ARID2: variants seen among roughly 807,000 people sequenced by gnomAD.
ARID2 encodes AT-rich interaction domain 2, also known as AT-rich interactive domain-containing protein 2.
Under a neutral mutation model 184.6 loss-of-function variants are expected in ARID2, and 32 were observed. That is an observed-to-expected ratio of 0.17 (90% CI 0.13 to 0.23). ARID2 has a LOEUF of 0.23. ARID2 is among the 10% of genes least tolerant of loss of function. ARID2 has a pLI of 1.00. For missense variants in ARID2, 1,696 were observed against 2,197.6 expected, an observed-to-expected ratio of 0.77 and a Z score of 4.56; for synonymous variants, 836 against 772.6, an observed-to-expected ratio of 1.08 and a Z score of -1.36.
intron 6 of ARID2, among the ~76,000 whole-genome samples, chr12:45,828,609 C>T (rs1363436934): frequency 1.3e-5 from 2 of 151,956 alleles, no homozygotes; most frequent in Non-Finnish European, 2.9e-5. Flanking sequence ...TCCAGTTCCT[C>T]GTTGTTGACA....
chr12:45,776,084 GT>G (rs1263265385), intron 3 of ARID2: 1 of 168,780 alleles, frequency 5.9e-6, no homozygotes, highest in Non-Finnish European at 1.5e-5. Context: ...ATTTCAGGCA[GT>G]ATACTTCATG....
chr12:45,810,091 A>G (rs1385209561), intron 3 of ARID2, among the ~76,000 whole-genome samples: 2 of 152,206 alleles, frequency 1.3e-5, no homozygotes, highest in Non-Finnish European at 2.9e-5. Context: ...GATCTGTAAA[A>G]TAATCACATG....
intron 3 of ARID2, among the ~76,000 whole-genome samples, chr12:45,747,386 C>T (rs926353456): frequency 2.6e-5 from 4 of 151,982 alleles, no homozygotes; most frequent in Non-Finnish European, 5.9e-5. Flanking sequence ...CTGTAAGTAC[C>T]ATTGCTAGTG....
At chr12:45,885,841 C>T (rs1024452058) in intron 16 of ARID2, among the ~76,000 whole-genome samples, 42 of 152,128 alleles carry the variant, frequency 2.8e-4, no homozygotes, top group Non-Finnish European at 4.3e-4. Context: ...ATAGGGGTAA[C>T]CCCATGATTC....
intron 3 of ARID2, among the ~76,000 whole-genome samples, chr12:45,780,834 G>C (rs1246823275): frequency 6.6e-6 from 1 of 152,020 alleles, no homozygotes; most frequent in East Asian, 1.9e-4. Context: ...TGGCCAGGCT[G>C]TTCTCGAACT....
Position 45,905,203 on chromosome 12 carries a change from G to C in ARID2, c.*125G>C. On this transcript the variant is annotated 3_prime_UTR_variant, in exon 21 of 21. Coordinates refer to ENST00000334344, the MANE Select transcript of ARID2 (RefSeq NM_152641.4). ...AATGAATTATTTTATCTCCTCCCAT[G>C]ATGCTGAGAGGAAGCTTCGTATTCT... 13 of 918,420 alleles carry C rather than the reference G, an allele frequency of 1.4e-5. No individual in the cohort carries two copies. The highest frequency in any genetic ancestry group is 2.4e-5 in the South Asian group (1 of 42,072). 56.9% of individuals were successfully genotyped at this position (918,420 alleles called of 1,614,324 possible). A position where few individuals can be genotyped will look rare whatever the true frequency, so the allele number is the denominator to read the frequency against.
At position 45,790,351 on chromosome 12, in the gene ARID2, T is replaced by C. The variant is rs150490652; in HGVS notation, c.285-21067T>C. On this transcript the variant is annotated intron_variant, in intron 3 of 20. Transcript: ENST00000334344. The stretch of plus-strand genomic sequence containing the variant: ...TTTTTACGTTTATATTTGTATGATA[T>C]AGATTCAATATGTTGTGTTCTTCTA... Among the ~76,000 whole-genome samples, 832 of 152,322 alleles carry C rather than the reference T, an allele frequency of 5.5e-3. 7 individuals carry two copies. The highest frequency in any genetic ancestry group is 0.019 in the African/African-American group (794 of 41,590).
In ARID2 at chr12:45,907,965, T is replaced by C. The variant is rs1389866688; in HGVS notation, c.*2887T>C. ...AATCCAACCCACACCTGAGAACTCGTCTCATTACTTTATAGTCATGTCATG... is the reference window on the plus strand; with the variant it reads ...AATCCAACCCACACCTGAGAACTCGCCTCATTACTTTATAGTCATGTCATG... On this transcript the variant is annotated 3_prime_UTR_variant, in exon 21 of 21. Transcript: ENST00000334344. The C allele has an allele frequency of 8.7e-6, 2 of 230,900 alleles. No homozygotes were observed. Among genetic ancestry groups the C allele is most frequent in the Non-Finnish European group, 1.7e-5 (2 of 116,786 alleles). The allele number at this position is 230,900 out of a possible 1,614,324, so 14.3% of individuals were successfully genotyped here.
At chr12:45,849,927 A>C in intron 14 of ARID2, 109 bp from the exon 15 acceptor site, 2 of 1,450,630 alleles carry the variant, frequency 1.4e-6, no homozygotes, top group Non-Finnish European at 1.8e-6. Context: ...ATGATTCAAA[A>C]TTGTTAGATG....
chr12:45,786,908 G>A (rs1033356998), intron 3 of ARID2, among the ~76,000 whole-genome samples: 3 of 152,172 alleles, frequency 2.0e-5, no homozygotes, highest in Non-Finnish European at 2.9e-5. Flanking sequence ...TACTGCATGA[G>A]CTCAATTATA....
intron 16 of ARID2, among the ~76,000 whole-genome samples, chr12:45,889,239 A>G (rs1435286538): frequency 1.3e-5 from 2 of 152,224 alleles, no homozygotes; most frequent in Non-Finnish European, 2.9e-5. Flanking sequence ...GCAGCAGTAT[A>G]TAAAATTATA....
rs77870470 is a variant in ARID2, at chr12:45,851,486, G to A, written c.3363G>A (p.Leu1121=). Reference sequence around the variant, plus strand: ...GGCAAACTCCAGCTCAGCAGCTATTGGTTGGGCAGCAAAATGTTCAGTTGG... The same window carrying A: ...GGCAAACTCCAGCTCAGCAGCTATTAGTTGGGCAGCAAAATGTTCAGTTGG... ...VQGQTPAQQL[L]VGQQNVQLVP... The change falls in exon 15 of 21, where the codon TTG becomes TTA. Residue 1121 remains leucine (L), a synonymous_variant. Coordinates refer to ENST00000334344, the MANE Select transcript of ARID2 (RefSeq NM_152641.4). The A allele has an allele frequency of 5.3e-4, 857 of 1,614,102 alleles. 4 individuals are homozygous for A. The African/African-American group carries it at 0.01, about 19-fold the overall frequency.
At chr12:45,891,457 G>T (rs1944300604) in intron 16 of ARID2, among the ~76,000 whole-genome samples, 1 of 152,108 alleles carries the variant, frequency 6.6e-6, no homozygotes, top group Admixed American at 6.5e-5. Flanking sequence ...TTGAACTGTT[G>T]GATTGGATAT....
rs2138180588 is a variant in ARID2 at position 45,852,684 on chromosome 12, G to C, written c.4561G>C (p.Asp1521His). Residue 1521 changes from aspartate to histidine, a missense_variant, in exon 15 of 21, where the codon GAT becomes CAT. Physicochemically the swap from Asp to His is moderately conservative, Grantham distance 81. Transcript: ENST00000334344. ...CAAAACTGTAAAGAGGCCAGCAGAGGATACTGATAGGGAAACAGTCGCAGG... is the reference window on the plus strand; with the variant it reads ...CAAAACTGTAAAGAGGCCAGCAGAGCATACTGATAGGGAAACAGTCGCAGG... ...ECKTVKRPAE[D>H]TDRETVAGIP... 1 of 1,614,166 alleles carries C rather than the reference G, an allele frequency of 6.2e-7. No individual in the cohort carries two copies. Among genetic ancestry groups the C allele is most frequent in the Non-Finnish European group, 8.5e-7 (1 of 1,180,014 alleles).
At chr12:45,737,143 A>G (rs1021754718) in intron 3 of ARID2, among the ~76,000 whole-genome samples, 1 of 152,266 alleles carries the variant, frequency 6.6e-6, no homozygotes, top group Non-Finnish European at 1.5e-5. Flanking sequence ...ACATTGCAAT[A>G]AACTATTGCT....
chr12:45,779,712 A>G (rs898523369), intron 3 of ARID2, among the ~76,000 whole-genome samples: 3 of 152,126 alleles, frequency 2.0e-5, no homozygotes, highest in Admixed American at 6.5e-5. Context: ...AGTTTTGCCA[A>G]ATCAAAACTT....
In ARID2 at chr12:45,849,640, A is replaced by G. The variant is rs781075288; in HGVS notation, c.1776A>G (p.Ala592=). 1 of 1,613,784 alleles carries G rather than the reference A, an allele frequency of 6.2e-7. No homozygotes were observed. The highest frequency in any genetic ancestry group is 8.5e-7 in the Non-Finnish European group (1 of 1,179,748). ...RVEDSSSNGQ[A]HIHVVGVKRR... Reference sequence around the variant, plus strand: ...AGGATTCCAGTAGCAATGGGCAGGCACATATTCATGTGGTAGGAGTAAAAC... The same window carrying G: ...AGGATTCCAGTAGCAATGGGCAGGCGCATATTCATGTGGTAGGAGTAAAAC... The change falls in exon 14 of 21, where the codon GCA becomes GCG. Residue 592 remains alanine, a synonymous_variant. Transcript: ENST00000334344.
chr12:45,746,092 C>G (rs1475290992), intron 3 of ARID2, among the ~76,000 whole-genome samples: 4 of 146,438 alleles, frequency 2.7e-5, no homozygotes, highest in Non-Finnish European at 6.0e-5. Flanking sequence ...TAGATAGATT[C>G]TGGTTTGATT....
At chr12:45,740,420 C>T (rs1338636087) in intron 3 of ARID2, among the ~76,000 whole-genome samples, 2 of 151,752 alleles carry the variant, frequency 1.3e-5, no homozygotes, top group Non-Finnish European at 1.5e-5. Context: ...GGTGTGCACA[C>T]TCATACACAC....
Sources: allele counts gnomAD v4.1 joint callset (sites outside exome capture counted in the v4.1 genomes callset), GRCh38; gene constraint gnomAD v4.1.1; transcripts MANE v1.5; gene names NCBI Gene and HGNC (gene_info 2026-07-23, HGNC 2026-07-21).